The following ARID4B variants were observed in gnomAD, a reference collection of about 807,000 sequenced individuals.
The protein encoded by ARID4B is AT-rich interactive domain-containing protein 4B.
ARID4B carries 26 observed loss-of-function variants against 147.5 expected under a neutral mutation model. The observed-to-expected ratio is 0.18, with a 90% CI of 0.13 to 0.24. The LOEUF is 0.24. ARID4B is among the 10% of genes least tolerant of loss of function. ARID4B has a pLI of 1.00. For synonymous variants in ARID4B, 512 were observed against 507.9 expected (o/e 1.01, Z -0.11); for missense variants, 1,179 against 1,511.5 (o/e 0.78, Z 3.65).
chr1:235,253,957 C>T (rs944152965), intron 5 of ARID4B, among the ~76,000 whole-genome samples: 2 of 152,128 alleles, frequency 1.3e-5, no homozygotes, highest in East Asian at 3.8e-4. Context: ...TCCTTACTGG[C>T]TGAACTAAAA....
rs1664395283 is a variant in ARID4B, at chr1:235,182,623, G to C, written c.2296C>G (p.His766Asp). ...GGTTTGGATATTACCAAATCTGCAT[G>C]AACTTTGTTTTCTTCTAGCAAAGAT... ...SSSLLEENKV[H>D]ADLVISKPVS... The change falls in exon 20 of 24, where the codon CAT becomes GAT. Residue 766 changes from histidine to aspartate, a missense_variant. Coordinates refer to ENST00000264183, the MANE Select transcript of ARID4B (RefSeq NM_016374.6). The C allele has an allele frequency of 6.2e-7, 1 of 1,613,576 alleles. No homozygotes were observed. Among genetic ancestry groups the C allele is most frequent in the South Asian group, 1.1e-5 (1 of 90,990 alleles).
chr1:235,260,721 C>T lies in ARID4B; in HGVS notation c.38G>A (p.Gly13Asp), dbSNP rs1558255624. Residue 13 changes from glycine to aspartate, a missense_variant, in exon 3 of 24, where the codon GGC becomes GAC. This residue lies in a region of ARID4B where 56 missense variants were observed against 99.2 expected (regional missense o/e 0.56). Coordinates refer to ENST00000264183, the MANE Select transcript of ARID4B (RefSeq NM_016374.6). ...ALDEPPYLTV[G>D]TDVSAKYRGA... is the part of the protein sequence containing the mutation. Reference sequence around the variant, plus strand: ...TCTGTATTTAGCACTCACATCAGTGCCCACTGTCAAATAGGGAGGCTCATC... The same window carrying T: ...TCTGTATTTAGCACTCACATCAGTGTCCACTGTCAAATAGGGAGGCTCATC... The T allele has an allele frequency of 6.2e-7, 1 of 1,610,832 alleles. No homozygotes were observed. The highest frequency in any genetic ancestry group is 8.5e-7 in the Non-Finnish European group (1 of 1,179,198).
chr1:235,260,790 C>CG (rs1333051111), intron 2 of ARID4B, 38 bp from the exon 3 acceptor site: 1 of 1,413,366 alleles, frequency 7.1e-7, no homozygotes, highest in Non-Finnish European at 9.8e-7. Flanking sequence ...TTTAAACTCT[C>CG]TAATTCTTTC....
intron 17 of ARID4B, among the ~76,000 whole-genome samples, chr1:235,199,601 C>T (rs146687705): frequency 5.3e-5 from 8 of 152,164 alleles, no homozygotes; most frequent in East Asian, 3.9e-4. Flanking sequence ...GATTCTAACA[C>T]GAAAATAACG....
rs1558321042 is a variant in ARID4B, at chr1:235,328,040, G to A, written c.-321C>T. ...CCCCCAATCGCGCTGCCCTCCAGAG[G>A]ACGGCGGCGATGGACCCTCTGCAGC... On this transcript the variant is annotated 5_prime_UTR_variant, in exon 1 of 24. Transcript: ENST00000264183. 1 of 152,796 alleles carries A rather than the reference G, an allele frequency of 6.5e-6. No homozygotes were observed. Among genetic ancestry groups the A allele is most frequent in the African/African-American group, 2.4e-5 (1 of 41,438 alleles). The allele number at this position is 152,796 out of a possible 1,614,324, so 9.5% of individuals were successfully genotyped here.
chr1:235,167,176 T>TA lies in ARID4B; in HGVS notation c.*1348dup, dbSNP rs1487851161. 1 of 203,462 alleles carries TA rather than the reference T, an allele frequency of 4.9e-6. No individual in the cohort carries two copies. The highest frequency in any genetic ancestry group is 7.6e-5 in the East Asian group (1 of 13,214). 12.6% of individuals were successfully genotyped at this position (203,462 alleles called of 1,614,324 possible). On this transcript the variant is annotated 3_prime_UTR_variant, in exon 24 of 24. Transcript: ENST00000264183. ...TTGAATGTAAAGGATTCTGACACGT[T>TA]AGCATCTACAACAAAACGCATTGAA...
In ARID4B at chr1:235,177,817, T is replaced by C. The variant is rs745905992; in HGVS notation, c.3431A>G (p.Lys1144Arg). Reference sequence around the variant, plus strand: ...ACACTTACTGCCTTTTCCCTTCTTTTTGTTGTTTACCACTGTTGCTTTATG... The same window carrying C: ...ACACTTACTGCCTTTTCCCTTCTTTCTGTTGTTTACCACTGTTGCTTTATG... ...RSHKATVVNNKKKGKGTNSSD... is the reference protein window; with the variant it reads ...RSHKATVVNNRKKGKGTNSSD... The change falls in exon 21 of 24, where the codon AAA becomes AGA. Residue 1144 changes from lysine to arginine, a missense_variant. Lys to Arg is a conservative substitution (Grantham distance 26). Transcript: ENST00000264183. The C allele has an allele frequency of 1.2e-5, 20 of 1,608,886 alleles. No individual in the cohort carries two copies. The highest frequency in any genetic ancestry group is 1.5e-5 in the Non-Finnish European group (18 of 1,177,594).
chr1:235,227,875 C>T (rs1407003412), intron 11 of ARID4B, among the ~76,000 whole-genome samples: 1 of 149,202 alleles, frequency 6.7e-6, no homozygotes, highest in Admixed American at 6.7e-5. Context: ...TACTGTCACC[C>T]GGGCTGGAGA....
intron 7 of ARID4B, among the ~76,000 whole-genome samples, chr1:235,243,236 T>A (rs1015161530): frequency 2.0e-5 from 3 of 152,178 alleles, no homozygotes; most frequent in Non-Finnish European, 4.4e-5. Context: ...TCACAAAATG[T>A]ATACATCAGT....
intron 7 of ARID4B, 39 bp downstream of exon 7, chr1:235,246,381 G>T: frequency 7.0e-7 from 1 of 1,438,566 alleles, no homozygotes; most frequent in South Asian, 1.1e-5. Flanking sequence ...AAGGAGAAAT[G>T]AATTCAGGTT....
At chr1:235,204,045 C>T (rs1020690252) in intron 17 of ARID4B, among the ~76,000 whole-genome samples, 1 of 151,994 alleles carries the variant, frequency 6.6e-6, no homozygotes, top group Admixed American at 6.6e-5. Context: ...AAATTCCTGC[C>T]GGGTGCAGTG....
chr1:235,276,489 A>G (rs1199444100), intron 2 of ARID4B, among the ~76,000 whole-genome samples: 2 of 152,164 alleles, frequency 1.3e-5, no homozygotes, highest in African/African-American at 2.4e-5. Context: ...CTTATCAAAT[A>G]AAAAGAAAAA....
At chr1:235,249,568 G>A (rs1669510132) in intron 6 of ARID4B, among the ~76,000 whole-genome samples, 1 of 152,024 alleles carries the variant, frequency 6.6e-6, no homozygotes, top group Non-Finnish European at 1.5e-5. Flanking sequence ...GGCCAAGGCA[G>A]GCAGATCATG....
intron 2 of ARID4B, among the ~76,000 whole-genome samples, chr1:235,312,006 T>C (rs1319505887): frequency 6.6e-6 from 1 of 152,096 alleles, no homozygotes; most frequent in Non-Finnish European, 1.5e-5. Context: ...AAGAAAATTA[T>C]GGGCCAGGCA....
chr1:235,271,554 C>T (rs538277159), intron 2 of ARID4B, among the ~76,000 whole-genome samples: 3 of 151,474 alleles, frequency 2.0e-5, no homozygotes, highest in Non-Finnish European at 1.5e-5. Flanking sequence ...CACTTGGACT[C>T]GGGAGGCGGA....
At chr1:235,307,270 C>A (rs984099730) in intron 2 of ARID4B, among the ~76,000 whole-genome samples, 3 of 151,992 alleles carry the variant, frequency 2.0e-5, no homozygotes, top group Non-Finnish European at 4.4e-5. Flanking sequence ...ACAGTGAGGC[C>A]ACAGCACTAC....
chr1:235,316,599 C>G (rs905237261), intron 2 of ARID4B, among the ~76,000 whole-genome samples: 1 of 150,968 alleles, frequency 6.6e-6, no homozygotes, highest in African/African-American at 2.4e-5. Flanking sequence ...GGAGGATCAC[C>G]TGAGGTCTGG....
intron 22 of ARID4B, among the ~76,000 whole-genome samples, 196 bp downstream of exon 22, chr1:235,174,988 C>A (rs1663755853): frequency 6.6e-6 from 1 of 152,126 alleles, no homozygotes; most frequent in Non-Finnish European, 1.5e-5. Context: ...TGCCTGTAAT[C>A]CCAGCTACTT....
chr1:235,230,604 A>C lies in ARID4B; in HGVS notation c.742+509T>G, dbSNP rs546578655. Among the ~76,000 whole-genome samples, 281 of 129,456 alleles carry C rather than the reference A, an allele frequency of 2.2e-3. 12 individuals are homozygous for C. Among genetic ancestry groups the C allele is most frequent in the African/African-American group, 7.3e-3 (255 of 34,882 alleles). The allele number at this position is 129,456 out of a possible 152,430, so 84.9% of individuals were successfully genotyped here. A position where few individuals can be genotyped will look rare whatever the true frequency, so the allele number is the denominator to read the frequency against. ...TGCCTGACTATAAGCTAAAAAAAAA[A>C]AAAAAAAAAAAACCAGAAAAAAAAA... On this transcript the variant is annotated intron_variant, in intron 10 of 23. Transcript: ENST00000264183.
Sources: allele counts gnomAD v4.1 joint callset (sites outside exome capture counted in the v4.1 genomes callset), GRCh38; gene constraint gnomAD v4.1.1; regional missense constraint gnomAD v4.1.1; transcripts MANE v1.5; gene names NCBI Gene and HGNC (gene_info 2026-07-23, HGNC 2026-07-21).